The following VCL variants were observed in gnomAD, a reference collection of about 807,000 sequenced individuals.
The protein encoded by VCL is vinculin, also known as epididymis luminal protein 114.
VCL carries 47 observed loss-of-function variants against 125.7 expected under a neutral mutation model. The observed-to-expected ratio is 0.37, with a 90% CI of 0.30 to 0.48. The LOEUF (loss-of-function observed/expected upper bound fraction) is 0.48. VCL is among the 20% of genes least tolerant of loss of function. The pLI is 0.99. For synonymous variants in VCL, 458 were observed against 514.6 expected (o/e 0.89, Z 1.49); for missense variants, 1,069 against 1,455.5 (o/e 0.73, Z 4.32).
At chr10:74,040,112 T>A (rs1402100367) in intron 1 of VCL, among the ~76,000 whole-genome samples, 1 of 152,256 alleles carries the variant, frequency 6.6e-6, no homozygotes, top group Non-Finnish European at 1.5e-5. Flanking sequence ...TTTGCTTCTT[T>A]GTCTACTCTT....
intron 1 of VCL, among the ~76,000 whole-genome samples, chr10:74,026,533 A>T (rs1340489768): frequency 2.6e-5 from 4 of 152,238 alleles, no homozygotes; most frequent in African/African-American, 9.6e-5. Flanking sequence ...GCATGTGCTA[A>T]ATGAAAAATA....
At chr10:74,021,125 T>G (rs1280421362) in intron 1 of VCL, among the ~76,000 whole-genome samples, 2 of 152,136 alleles carry the variant, frequency 1.3e-5, no homozygotes, top group Non-Finnish European at 2.9e-5. Flanking sequence ...GCCCTTCCTC[T>G]CTCATTAGAA....
chr10:74,117,322 C>T (rs866600177), intron 21 of VCL, among the ~76,000 whole-genome samples: 52 of 152,112 alleles, frequency 3.4e-4, no homozygotes, highest in Middle Eastern at 3.4e-3. Context: ...AGGTAAAATA[C>T]GTAGTGTATC....
chr10:74,070,874 T>A (rs1841653943), intron 3 of VCL, 54 bp downstream of exon 3: 11 of 1,612,704 alleles, frequency 6.8e-6, no homozygotes, highest in Non-Finnish European at 7.6e-6. Context: ...GGAAGATTGA[T>A]GATTGTTTAG....
At chr10:74,078,344 G>T (rs1005538991) in intron 6 of VCL, among the ~76,000 whole-genome samples, 27 of 152,146 alleles carry the variant, frequency 1.8e-4, no homozygotes, top group Non-Finnish European at 2.5e-4. Context: ...GGCAGGAAAT[G>T]TTGGTTAGAA....
chr10:74,063,689 T>TA (rs1841516128), intron 2 of VCL: 1 of 152,132 alleles, frequency 6.6e-6, no homozygotes, highest in Non-Finnish European at 1.5e-5. Context: ...CCAGCAGACT[T>TA]TTACTAGAGG....
At chr10:74,020,063 C>CAAAAAAAAAAA (rs894179907) in intron 1 of VCL, among the ~76,000 whole-genome samples, 1 of 116,696 alleles carries the variant, frequency 8.6e-6, no homozygotes. Flanking sequence ...AACTCCGTCT[C>CAAAAAAAAAAA]AAAAAAAAAA....
At chr10:74,057,493 G>A (rs1272764252) in intron 2 of VCL, among the ~76,000 whole-genome samples, 4 of 152,046 alleles carry the variant, frequency 2.6e-5, no homozygotes, top group African/African-American at 7.2e-5. Flanking sequence ...CTTAATATGC[G>A]GGAAGGCAGA....
At chr10:74,088,312 A>G (rs550988708) in intron 8 of VCL, among the ~76,000 whole-genome samples, 13 of 152,346 alleles carry the variant, frequency 8.5e-5, no homozygotes, top group African/African-American at 3.1e-4. Context: ...TATCATTTTT[A>G]GTAGTAATAG....
chr10:74,093,163 G>C (rs897945580), intron 10 of VCL, among the ~76,000 whole-genome samples: 16 of 152,044 alleles, frequency 1.1e-4, no homozygotes, highest in African/African-American at 3.9e-4. Flanking sequence ...TGGGTGTGGT[G>C]GTGGGCATCT....
At chr10:74,098,944 T>C (rs1311743641) in intron 13 of VCL, among the ~76,000 whole-genome samples, 1 of 152,214 alleles carries the variant, frequency 6.6e-6, no homozygotes, top group East Asian at 1.9e-4. Flanking sequence ...TGAGTTGTCA[T>C]TGACTTTTCC....
intron 6 of VCL, chr10:74,077,178 G>A (rs989256959): frequency 1.3e-5 from 2 of 152,580 alleles, no homozygotes; most frequent in Admixed American, 1.3e-4. Context: ...CTCAACTCAA[G>A]TACACGATGA....
At chr10:74,023,585 T>C (rs1212425895) in intron 1 of VCL, among the ~76,000 whole-genome samples, 1 of 152,240 alleles carries the variant, frequency 6.6e-6, no homozygotes, top group Non-Finnish European at 1.5e-5. Flanking sequence ...GAATAAGTTA[T>C]CTGAGATGGT....
intron 2 of VCL, among the ~76,000 whole-genome samples, chr10:74,060,004 CAT>C (rs1841453298): frequency 6.6e-6 from 1 of 151,482 alleles, no homozygotes; most frequent in Non-Finnish European, 1.5e-5. Flanking sequence ...CTGTACAAAA[CAT>C]AAAAAATTAG....
chr10:74,117,034 A>G (rs1840320914), intron 21 of VCL, among the ~76,000 whole-genome samples: 1 of 152,220 alleles, frequency 6.6e-6, no homozygotes, highest in Non-Finnish European at 1.5e-5. Context: ...TTTCTATGGT[A>G]GAGTACCAAT....
intron 1 of VCL, among the ~76,000 whole-genome samples, chr10:74,006,721 G>A (rs76231488): frequency 0.063 from 9,623 of 152,130 alleles, 414 homozygotes; most frequent in African/African-American, 0.12. Flanking sequence ...CAACTATTAT[G>A]TAAAATTACC....
intron 10 of VCL, 119 bp from the exon 11 acceptor site, chr10:74,094,152 C>A: frequency 7.9e-7 from 1 of 1,263,090 alleles, no homozygotes; most frequent in Non-Finnish European, 1.1e-6. Flanking sequence ...TCCTTTCAAA[C>A]CAAATTAATA....
In VCL at chr10:74,074,874, T is replaced by G; in HGVS notation, c.754T>G (p.Ser252Ala). The G allele has an allele frequency of 6.2e-7, 1 of 1,614,138 alleles. No individual in the cohort carries two copies. Among genetic ancestry groups the G allele is most frequent in the South Asian group, 1.1e-5 (1 of 91,086 alleles). Residue 252 changes from serine to alanine, a missense_variant, in exon 6 of 22, where the codon TCT (serine) becomes GCT (alanine). Ser to Ala is a moderately conservative substitution (Grantham distance 99, BLOSUM62 1). Transcript: ENST00000211998. ...GATAATTCGTGTGTTACAACTCACC[T>G]CTTGGGATGAAGATGCCTGGGCCAG... ...NEIIRVLQLTSWDEDAWASKD... is the reference protein window; with the variant it reads ...NEIIRVLQLTAWDEDAWASKD...
intron 1 of VCL, among the ~76,000 whole-genome samples, chr10:74,029,901 A>T (rs571535708): frequency 1.3e-5 from 2 of 152,354 alleles, no homozygotes; most frequent in Admixed American, 6.5e-5. Context: ...TTAAGAAGAA[A>T]ATAAAAATCA....
Sources: gnomAD v4.1 joint callset for allele counts (sites outside exome capture counted in the v4.1 genomes callset) on GRCh38, gnomAD v4.1.1 for gene constraint, MANE v1.5 for transcripts, NCBI Gene and HGNC (gene_info 2026-07-23, HGNC 2026-07-21) for gene names.